The following PGAP1 variants were observed in gnomAD, a reference collection of about 807,000 sequenced individuals.
PGAP1 encodes the protein GPI inositol-deacylase.
A neutral mutation model predicts 127.0 loss-of-function variants in PGAP1; 76 were observed. That is an observed-to-expected ratio of 0.60 (90% CI 0.50 to 0.72). PGAP1 has a LOEUF of 0.72. PGAP1 is among the 30% of genes least tolerant of loss of function. The pLI, the probability that PGAP1 is intolerant of heterozygous loss-of-function variation, is 0.00. For synonymous variants in PGAP1, 362 were observed against 366.5 expected, an observed-to-expected ratio of 0.99 and a Z score of 0.14; for missense variants, 982 against 1,071.3, an observed-to-expected ratio of 0.92 and a Z score of 1.16.
chr2:196,852,863 A>C (rs551799549), intron 20 of PGAP1, among the ~76,000 whole-genome samples: 4 of 152,296 alleles, frequency 2.6e-5, no homozygotes, highest in African/African-American at 9.6e-5. Flanking sequence ...AGAAAGGCTA[A>C]GCATGTTATC....
intron 25 of PGAP1, among the ~76,000 whole-genome samples, chr2:196,843,535 T>TA (rs1700474065): frequency 6.6e-6 from 1 of 152,158 alleles, no homozygotes; most frequent in South Asian, 2.1e-4. Context: ...ATTGACCAAT[T>TA]AATAAAAATA....
chr2:196,925,049 A>T (rs1490886927), intron 1 of PGAP1, among the ~76,000 whole-genome samples: 7 of 152,212 alleles, frequency 4.6e-5, no homozygotes, highest in Non-Finnish European at 1.0e-4. Flanking sequence ...TCAGTTTTTT[A>T]AAATACTAAA....
chr2:196,912,801 C>A (rs1559369591), intron 4 of PGAP1, 81 bp downstream of exon 4: 48 of 1,346,380 alleles, frequency 3.6e-5, no homozygotes, highest in Non-Finnish European at 4.6e-5. Context: ...GTAGCATACT[C>A]CTAGGGGAAT....
intron 25 of PGAP1, 149 bp downstream of exon 25, chr2:196,843,739 A>C (rs1489946852): frequency 4.9e-6 from 2 of 409,214 alleles, no homozygotes; most frequent in African/African-American, 4.1e-5. Flanking sequence ...AAAAATTAAA[A>C]ATAAATAAAT....
At chr2:196,850,602 A>G (rs1173885906) in intron 20 of PGAP1, among the ~76,000 whole-genome samples, 1 of 152,074 alleles carries the variant, frequency 6.6e-6, no homozygotes, top group African/African-American at 2.4e-5. Flanking sequence ...GTTTAGCCAC[A>G]TGTAGGATGA....
intron 18 of PGAP1, 22 bp from the exon 19 acceptor site, chr2:196,871,001 A>G (rs1701393187): frequency 1.3e-6 from 2 of 1,566,210 alleles, no homozygotes. Flanking sequence ...CAATTATTGA[A>G]AAAAAAGGTT....
At chr2:196,867,624 T>C (rs4581911) in intron 19 of PGAP1, among the ~76,000 whole-genome samples, 15,533 of 152,176 alleles carry the variant, frequency 0.1, 957 homozygotes, top group African/African-American at 0.17. Flanking sequence ...TAAAGTATAA[T>C]TTTTAAAAAA....
At chr2:196,899,990 ATT>A (rs1294441533) in intron 5 of PGAP1, among the ~76,000 whole-genome samples, 20 of 152,228 alleles carry the variant, frequency 1.3e-4, no homozygotes, top group African/African-American at 4.1e-4. Context: ...GTGAGCTGAG[ATT>A]GTGCCATTGC....
intron 4 of PGAP1, among the ~76,000 whole-genome samples, chr2:196,912,251 A>T: frequency 6.6e-6 from 1 of 152,234 alleles, no homozygotes; most frequent in Non-Finnish European, 1.5e-5. Context: ...TCTTACTTAA[A>T]TATAAGCTTA....
intron 4 of PGAP1, among the ~76,000 whole-genome samples, chr2:196,912,646 A>T (rs954946690): frequency 1.3e-5 from 2 of 151,606 alleles, no homozygotes; most frequent in South Asian, 4.2e-4. Flanking sequence ...TATAAAACAC[A>T]TGTCAACCAT....
intron 12 of PGAP1, among the ~76,000 whole-genome samples, chr2:196,883,139 T>G (rs1331565753): frequency 1.3e-5 from 2 of 152,270 alleles, no homozygotes; most frequent in Non-Finnish European, 2.9e-5. Flanking sequence ...TAGTTCTATT[T>G]ATGTGATGAA....
chr2:196,907,214 A>G (rs1416367652), intron 4 of PGAP1, among the ~76,000 whole-genome samples: 1 of 13,820 alleles, frequency 7.2e-5, no homozygotes, highest in Admixed American at 7.2e-4. Flanking sequence ...AGGTCGGGTT[A>G]CCCTCAAAGG....
chr2:196,886,578 T>G (rs1003446590), intron 10 of PGAP1, among the ~76,000 whole-genome samples: 1 of 152,176 alleles, frequency 6.6e-6, no homozygotes, highest in African/African-American at 2.4e-5. Flanking sequence ...ATTTTTTAAA[T>G]GAAGAATGAA....
At position 196,841,753 on chromosome 2, in the gene PGAP1, G is replaced by A. The variant is rs569182334; in HGVS notation, c.2631-381C>T. On this transcript the variant is annotated intron_variant, in intron 26 of 26. Coordinates refer to ENST00000354764, the MANE Select transcript of PGAP1 (RefSeq NM_024989.4). ...AGGATGGTCTCGATCTCCTGACCTC[G>A]TGATCCACCCGCCTTGGCCTCCCAA... Among the ~76,000 whole-genome samples the A allele has an allele frequency of 4.6e-5, 7 of 152,180 alleles. No individual in the cohort carries two copies. In the East Asian group the frequency reaches 5.8e-4, roughly 13 times the overall value.
At chr2:196,904,444 A>G (rs1469895401) in intron 4 of PGAP1, among the ~76,000 whole-genome samples, 1 of 152,148 alleles carries the variant, frequency 6.6e-6, no homozygotes, top group Non-Finnish European at 1.5e-5. Flanking sequence ...TAGACAAGAA[A>G]AGTCTAGAGG....
chr2:196,899,860 C>T (rs1046808518), intron 5 of PGAP1, among the ~76,000 whole-genome samples: 7 of 152,092 alleles, frequency 4.6e-5, no homozygotes, highest in African/African-American at 4.8e-5. Context: ...ATGGTGAAAC[C>T]GCATCTCTAC....
At chr2:196,913,188 A>G in intron 3 of PGAP1, 135 bp from the exon 4 acceptor site, 3 of 761,704 alleles carry the variant, frequency 3.9e-6, no homozygotes, top group Non-Finnish European at 6.2e-6. Flanking sequence ...ATCATAAGGT[A>G]CAGAAATACA....
Position 196,838,254 on chromosome 2 carries a change from G to A in PGAP1, c.*2980C>T, listed in dbSNP as rs1700290407. The A allele has an allele frequency of 6.6e-6, 1 of 152,188 alleles. No individual in the cohort carries two copies. Among genetic ancestry groups the A allele is most frequent in the African/African-American group, 2.4e-5 (1 of 41,444 alleles). The allele number at this position is 152,188 out of a possible 1,614,324, so 9.4% of individuals were successfully genotyped here. A position where few individuals can be genotyped will look rare whatever the true frequency, so the allele number is the denominator to read the frequency against. On this transcript the variant is annotated 3_prime_UTR_variant, in exon 27 of 27. Transcript: ENST00000354764. ...AATTGCTAAATTAGAAGGCATAACAGTTGCTGTAAAAGTTGAGCTCAGAAA... is the reference window on the plus strand; with the variant it reads ...AATTGCTAAATTAGAAGGCATAACAATTGCTGTAAAAGTTGAGCTCAGAAA...
intron 10 of PGAP1, among the ~76,000 whole-genome samples, chr2:196,890,264 C>T (rs531514095): frequency 2.6e-5 from 4 of 152,180 alleles, no homozygotes; most frequent in Admixed American, 6.5e-5. Context: ...TAAATGCACG[C>T]TACAGCATTT....
Sources: allele counts gnomAD v4.1 joint callset (sites outside exome capture counted in the v4.1 genomes callset), GRCh38; gene constraint gnomAD v4.1.1; transcripts MANE v1.5; gene names NCBI Gene and HGNC (gene_info 2026-07-23, HGNC 2026-07-21).